DCDC2: variants seen among roughly 807,000 people sequenced by gnomAD.
DCDC2 encodes doublecortin domain-containing protein 2.
A neutral mutation model predicts 50.2 loss-of-function variants in DCDC2; 40 were observed. The ratio of observed to expected loss-of-function variants is 0.80; its 90% CI spans 0.62 to 1.04. The LOEUF (loss-of-function observed/expected upper bound fraction) is 1.04, where lower values mean the gene tolerates loss of function less well. Among genes scored for constraint, DCDC2 ranks in the 50% least tolerant of loss-of-function variants. The probability of loss-of-function intolerance (pLI) is 0.00; values close to 1 mark genes in which losing one functional copy is unlikely to be tolerated. For synonymous variants in DCDC2, 234 were observed against 210.6 expected, an observed-to-expected ratio of 1.11 and a Z score of -0.96; for missense variants, 570 against 581.9, an observed-to-expected ratio of 0.98 and a Z score of 0.21.
chr6:24,199,168 G>T (rs934184308), intron 8 of DCDC2, among the ~76,000 whole-genome samples: 3 of 152,206 alleles, frequency 2.0e-5, no homozygotes, highest in Non-Finnish European at 4.4e-5. Context: ...GCTAAGGGAT[G>T]GACTGCCTCC....
intron 4 of DCDC2, among the ~76,000 whole-genome samples, chr6:24,291,817 A>C (rs2113831290): frequency 6.6e-6 from 1 of 152,274 alleles, no homozygotes; most frequent in Middle Eastern, 3.4e-3. Context: ...TTTTCTTAGC[A>C]TATTCATCAG....
intron 7 of DCDC2, among the ~76,000 whole-genome samples, chr6:24,252,481 C>T (rs567376048): frequency 2.0e-5 from 3 of 152,074 alleles, no homozygotes; most frequent in South Asian, 2.1e-4. Context: ...GGAAAAAGGG[C>T]GATGATTGAA....
intron 8 of DCDC2, among the ~76,000 whole-genome samples, chr6:24,198,021 C>G (rs946844058): frequency 6.6e-6 from 1 of 152,132 alleles, no homozygotes; most frequent in Admixed American, 6.5e-5. Flanking sequence ...TACGTATATA[C>G]TCACACACAC....
chr6:24,243,545 ATTG>A (rs139592264), intron 7 of DCDC2, among the ~76,000 whole-genome samples: 4,143 of 152,296 alleles, frequency 0.027, 71 homozygotes, highest in Non-Finnish European at 0.042. Context: ...AGTGTTAGCT[ATTG>A]TTATTATTAT....
chr6:24,204,870 T>C (rs2113761410), intron 8 of DCDC2, 132 bp downstream of exon 8: 2 of 799,384 alleles, frequency 2.5e-6, no homozygotes, highest in East Asian at 5.0e-5. Context: ...GTTTTTAAGG[T>C]TGATCAGCCA....
Position 24,346,518 on chromosome 6 carries a change from G to A in DCDC2, c.348+7051C>T, listed in dbSNP as rs375375298. Among the ~76,000 whole-genome samples the A allele has an allele frequency of 3.5e-4, 53 of 152,210 alleles. No individual in the cohort carries two copies. The East Asian group carries it at 5.6e-3, about 16-fold the overall frequency. ...CGCCTGTACTCCCAGCACTTTGGGAGGCCAAGGTGGGTGGATCACCTGAGG... is the reference window on the plus strand; with the variant it reads ...CGCCTGTACTCCCAGCACTTTGGGAAGCCAAGGTGGGTGGATCACCTGAGG... On this transcript the variant is annotated intron_variant, in intron 2 of 9. Transcript: ENST00000378454.
At chr6:24,284,671 T>A (rs1288619968) in intron 6 of DCDC2, among the ~76,000 whole-genome samples, 1 of 151,108 alleles carries the variant, frequency 6.6e-6, no homozygotes, top group African/African-American at 2.4e-5. Context: ...CCTATAACCC[T>A]CAAATGGCAC....
intron 7 of DCDC2, among the ~76,000 whole-genome samples, chr6:24,207,170 A>G (rs970875238): frequency 6.6e-6 from 1 of 152,122 alleles, no homozygotes; most frequent in Non-Finnish European, 1.5e-5. Context: ...AGGTGAAAAA[A>G]TAAATATGTT....
chr6:24,233,053 T>C (rs146678535), intron 7 of DCDC2, among the ~76,000 whole-genome samples: 1 of 152,334 alleles, frequency 6.6e-6, no homozygotes, highest in Non-Finnish European at 1.5e-5. Context: ...TTAATATGTT[T>C]TCAAGGGGAC....
Position 24,188,666 on chromosome 6 carries a change from C to G in DCDC2, c.1024-10034G>C, listed in dbSNP as rs189320386. ...CTGTTTTCAGATAGAAATTGTTTCTCTAAGGAGTACATACATCTTGAAATT... is the reference window on the plus strand; with the variant it reads ...CTGTTTTCAGATAGAAATTGTTTCTGTAAGGAGTACATACATCTTGAAATT... On this transcript the variant is annotated intron_variant, in intron 8 of 9. Coordinates refer to ENST00000378454, the MANE Select transcript of DCDC2 (RefSeq NM_016356.5). Among the ~76,000 whole-genome samples, 217 of 152,200 alleles carry G rather than the reference C, an allele frequency of 1.4e-3. 1 individual carries two copies. Among genetic ancestry groups the G allele is most frequent in the Non-Finnish European group, 2.0e-3 (136 of 68,012 alleles).
At chr6:24,316,272 G>A (rs535112198) in intron 2 of DCDC2, among the ~76,000 whole-genome samples, 2 of 152,252 alleles carry the variant, frequency 1.3e-5, no homozygotes, top group South Asian at 2.1e-4. Context: ...GTTCAGCAAC[G>A]AAGAGAGTAG....
the DCDC2 span, among the ~76,000 whole-genome samples, chr6:24,373,934 G>A: frequency 2.6e-5 from 4 of 151,466 alleles, no homozygotes; most frequent in Non-Finnish European, 4.4e-5. Flanking sequence ...AGTCCGATGC[G>A]GGCAGATCAC....
In DCDC2 at chr6:24,351,072, C is replaced by T. The variant is rs182592157; in HGVS notation, c.348+2497G>A. Among the ~76,000 whole-genome samples, 251 of 152,278 alleles carry T rather than the reference C, an allele frequency of 1.6e-3. 1 individual carries two copies. The highest frequency in any genetic ancestry group is 5.8e-3 in the African/African-American group (239 of 41,564). ...GCAGCCTGCAAAACCCTTTTCCACT[C>T]GTGCTCTACCTAAAACAGCCGTAAA... On this transcript the variant is annotated intron_variant, in intron 2 of 9. Coordinates refer to ENST00000378454, the MANE Select transcript of DCDC2 (RefSeq NM_016356.5).
chr6:24,290,283 G>A (rs1028576963), intron 5 of DCDC2, among the ~76,000 whole-genome samples: 4 of 151,594 alleles, frequency 2.6e-5, no homozygotes, highest in Admixed American at 6.6e-5. Flanking sequence ...GTGAGCCACC[G>A]CGCCCGGCCC....
chr6:24,196,146 T>C (rs183641592), intron 8 of DCDC2, among the ~76,000 whole-genome samples: 1 of 152,252 alleles, frequency 6.6e-6, no homozygotes, highest in African/African-American at 2.4e-5. Context: ...CTTTTCTAGC[T>C]AAGACAAGTA....
chr6:24,330,183 A>C (rs1759941958), intron 2 of DCDC2, among the ~76,000 whole-genome samples: 2 of 152,190 alleles, frequency 1.3e-5, no homozygotes, highest in African/African-American at 4.8e-5. Flanking sequence ...CTGTCTAGTC[A>C]ATTCCTGGCT....
chr6:24,285,000 T>C (rs1302365838), intron 6 of DCDC2, among the ~76,000 whole-genome samples: 4 of 152,142 alleles, frequency 2.6e-5, no homozygotes, highest in African/African-American at 4.8e-5. Context: ...TAGTTGATCG[T>C]CTGTCTACTC....
chr6:24,241,633 TAG>T (rs1411483046), intron 7 of DCDC2, among the ~76,000 whole-genome samples: 9 of 152,212 alleles, frequency 5.9e-5, no homozygotes, highest in Admixed American at 5.9e-4. Context: ...AAAAGTTTAC[TAG>T]AGAGAATATT....
intron 8 of DCDC2, among the ~76,000 whole-genome samples, chr6:24,202,213 T>C (rs535261742): frequency 1.8e-4 from 28 of 152,154 alleles, no homozygotes; most frequent in Admixed American, 2.6e-4. Flanking sequence ...ACCTGATGAA[T>C]ATTGACACCA....
Sources: gnomAD v4.1 joint callset for allele counts (sites outside exome capture counted in the v4.1 genomes callset) on GRCh38, gnomAD v4.1.1 for gene constraint, MANE v1.5 for transcripts, NCBI Gene and HGNC (gene_info 2026-07-23, HGNC 2026-07-21) for gene names.